DSCAML1: variants seen among roughly 807,000 people sequenced by gnomAD.
DSCAML1 encodes the protein DS cell adhesion molecule like 1.
DSCAML1 carries 38 observed loss-of-function variants against 200.5 expected under a neutral mutation model. That is an observed-to-expected ratio of 0.19 (90% CI 0.15 to 0.25). DSCAML1 has a LOEUF of 0.25. Among genes scored for constraint, DSCAML1 ranks in the 10% least tolerant of loss-of-function variants. The pLI, the probability that DSCAML1 is intolerant of heterozygous loss-of-function variation, is 1.00. For synonymous variants in DSCAML1, 1,215 were observed against 1,165.0 expected (o/e 1.04, Z -0.87); for missense variants, 2,223 against 2,858.8 (o/e 0.78, Z 5.07).
chr11:117,600,838 G>A (rs1489448794), intron 3 of DSCAML1, among the ~76,000 whole-genome samples: 1 of 152,176 alleles, frequency 6.6e-6, no homozygotes, highest in East Asian at 1.9e-4. Flanking sequence ...TGCCCTGGCT[G>A]GCCACTGGAG....
At chr11:117,664,142 C>T (rs1043071599) in intron 3 of DSCAML1, among the ~76,000 whole-genome samples, 1 of 152,226 alleles carries the variant, frequency 6.6e-6, no homozygotes, top group Non-Finnish European at 1.5e-5. Flanking sequence ...TCAGGACTCT[C>T]AGTCCAGAGA....
rs368923427 is a variant in DSCAML1, at chr11:117,731,170, TA to T, written c.511+45620del. Among the ~76,000 whole-genome samples the T allele has an allele frequency of 2.2e-3, 330 of 149,928 alleles. 6 individuals are homozygous for T. The South Asian group carries it at 0.04, about 18-fold the overall frequency. ...ATGTGAATCTCAATAAAGCTGCTACTAAAAAAAAAATTGCCTGCCCTATTGT... is the reference window on the plus strand; with the variant it reads ...ATGTGAATCTCAATAAAGCTGCTACTAAAAAAAAATTGCCTGCCCTATTGT... On this transcript the variant is annotated intron_variant, in intron 3 of 32. Coordinates refer to ENST00000651296, the MANE Select transcript of DSCAML1 (RefSeq NM_020693.4).
chr11:117,672,601 G>T (rs2053133964), intron 3 of DSCAML1, among the ~76,000 whole-genome samples: 1 of 152,198 alleles, frequency 6.6e-6, no homozygotes, highest in Non-Finnish European at 1.5e-5. Context: ...AAGCCCATGG[G>T]CATCCAGGGC....
At chr11:117,705,441 C>T (rs2053743453) in intron 3 of DSCAML1, among the ~76,000 whole-genome samples, 1 of 152,200 alleles carries the variant, frequency 6.6e-6, no homozygotes, top group Non-Finnish European at 1.5e-5. Flanking sequence ...TTGTTTCTTG[C>T]TAAAAATCCT....
rs537849436 is a variant in DSCAML1 at position 117,510,292 on chromosome 11, A to T, written c.1784-4560T>A. 2.0e-5 allele frequency among the ~76,000 whole-genome samples: 3 copies of T among 152,206 alleles called. No homozygotes were observed. In the East Asian group the frequency reaches 5.8e-4, roughly 29 times the overall value. ...GCAGCACGGAGATGGGGCACTAGCCATGCCTGGAACCCAAAACACCCGGTT... is the reference window on the plus strand; with the variant it reads ...GCAGCACGGAGATGGGGCACTAGCCTTGCCTGGAACCCAAAACACCCGGTT... On this transcript the variant is annotated intron_variant, in intron 8 of 32. Coordinates refer to ENST00000651296, the MANE Select transcript of DSCAML1 (RefSeq NM_020693.4).
At chr11:117,652,654 C>T (rs2052658552) in intron 3 of DSCAML1, among the ~76,000 whole-genome samples, 1 of 152,210 alleles carries the variant, frequency 6.6e-6, no homozygotes, top group South Asian at 2.1e-4. Context: ...CAAAATGCCT[C>T]AAGATTCTTG....
chr11:117,542,322 CAAAACACAAA>C (rs758576185), intron 3 of DSCAML1, among the ~76,000 whole-genome samples: 1 of 106,460 alleles, frequency 9.4e-6, no homozygotes, highest in African/African-American at 3.1e-5. Context: ...CAAAACAAAA[CAAAACACAAA>C]AACAACAACA....
chr11:117,432,320 A>G, intron 30 of DSCAML1, 32 bp downstream of exon 30: 2 of 1,592,648 alleles, frequency 1.3e-6, no homozygotes, highest in Non-Finnish European at 1.7e-6. Flanking sequence ...CCCGGTTGGG[A>G]AAAGGGCTGT....
In DSCAML1 at chr11:117,504,110, G is replaced by A. The variant is rs1026051217; in HGVS notation, c.2183-89C>T. On this transcript the variant is annotated intron_variant, in intron 10 of 32. Coordinates refer to ENST00000651296, the MANE Select transcript of DSCAML1 (RefSeq NM_020693.4). This position sits in a 1 kb window ranked among gnomAD's most constrained non-coding sequence, Gnocchi z 5.0. Reference sequence around the variant, plus strand: ...GGAGTGGCCCTGACACCTCGCTCTTGCAGATCTAGGGCCATTTTGTAGCAG... The same window carrying A: ...GGAGTGGCCCTGACACCTCGCTCTTACAGATCTAGGGCCATTTTGTAGCAG... The A allele has an allele frequency of 3.4e-6, 5 of 1,459,692 alleles. No individual in the cohort carries two copies. In the African/African-American group the frequency reaches 7.0e-5, roughly 20 times the overall value. 90.4% of individuals were successfully genotyped at this position (1,459,692 alleles called of 1,614,324 possible). A position where few individuals can be genotyped will look rare whatever the true frequency, so the allele number is the denominator to read the frequency against.
intron 3 of DSCAML1, among the ~76,000 whole-genome samples, chr11:117,669,813 T>C (rs1468144165): frequency 6.6e-6 from 1 of 152,204 alleles, no homozygotes; most frequent in Admixed American, 6.5e-5. Context: ...CAGGGGCGGA[T>C]GGAACATCCT....
intron 3 of DSCAML1, among the ~76,000 whole-genome samples, chr11:117,743,158 T>C (rs960923872): frequency 3.3e-5 from 5 of 152,072 alleles, no homozygotes; most frequent in Admixed American, 3.3e-4. Flanking sequence ...TTCTAGTCCA[T>C]AGGGGAGACA....
At chr11:117,502,842 C>T (rs2049422287) in intron 11 of DSCAML1, among the ~76,000 whole-genome samples, 1 of 152,158 alleles carries the variant, frequency 6.6e-6, no homozygotes, top group African/African-American at 2.4e-5. Context: ...CTATTACGAG[C>T]CCAACCCCCC....
At chr11:117,702,400 T>C (rs1026040924) in intron 3 of DSCAML1, among the ~76,000 whole-genome samples, 1 of 151,984 alleles carries the variant, frequency 6.6e-6, no homozygotes, top group African/African-American at 2.4e-5. Flanking sequence ...CTTCTTTAGC[T>C]AGCACATACC....
intron 3 of DSCAML1, among the ~76,000 whole-genome samples, chr11:117,541,091 A>C (rs1322179084): frequency 6.6e-6 from 1 of 152,228 alleles, no homozygotes; most frequent in Non-Finnish European, 1.5e-5. Context: ...GGGATTTTAA[A>C]ATGCGTGTGT....
chr11:117,510,670 G>T (rs2049600923), intron 8 of DSCAML1, among the ~76,000 whole-genome samples: 1 of 152,046 alleles, frequency 6.6e-6, no homozygotes, highest in African/African-American at 2.4e-5. Context: ...CTGATGGCAG[G>T]GATTTTTGTC....
rs573679952 is a variant in DSCAML1 at position 117,555,573 on chromosome 11, T to C, written c.512-23051A>G. 2.2e-4 allele frequency among the ~76,000 whole-genome samples: 33 copies of C among 151,956 alleles called. 1 individual carries two copies. The highest frequency in any genetic ancestry group is 7.7e-4 in the African/African-American group (32 of 41,446). On this transcript the variant is annotated intron_variant, in intron 3 of 32. Transcript: ENST00000651296. ...CCCAGTTTGGGAGTGAGGTGATGTA[T>C]TGGAAGTGAAGGCCACATCATATGC...
intron 5 of DSCAML1, 21 bp from the exon 6 acceptor site, chr11:117,521,426 G>A (rs776451571): frequency 3.2e-5 from 51 of 1,605,256 alleles, no homozygotes; most frequent in Admixed American, 5.0e-5. Flanking sequence ...CCAGGGAGAC[G>A]TGAGGGGAAA....
At chr11:117,709,786 G>A (rs571462765) in intron 3 of DSCAML1, 30 of 454,274 alleles carry the variant, frequency 6.6e-5, no homozygotes, top group Admixed American at 1.2e-4. Flanking sequence ...CCTAAGGAGC[G>A]GCTGTGAAAA....
At chr11:117,746,845 G>A (rs544565801) in intron 3 of DSCAML1, among the ~76,000 whole-genome samples, 6 of 152,160 alleles carry the variant, frequency 3.9e-5, no homozygotes, top group African/African-American at 9.6e-5. Flanking sequence ...TTCAGGACTC[G>A]GCTGAAATCT....
Sources: gnomAD v4.1 joint callset for allele counts (sites outside exome capture counted in the v4.1 genomes callset) on GRCh38, gnomAD v4.1.1 for gene constraint, Gnocchi (gnomAD v3.1) non-coding constraint, MANE v1.5 for transcripts, NCBI Gene and HGNC (gene_info 2026-07-23, HGNC 2026-07-21) for gene names.